Variants in SAMHD1 observed in about 807,000 individuals in gnomAD.
SAMHD1 encodes deoxynucleoside triphosphate triphosphohydrolase SAMHD1.
Under a neutral mutation model 79.6 loss-of-function variants are expected in SAMHD1, and 54 were observed. The observed-to-expected ratio is 0.68, with a 90% CI of 0.55 to 0.85. SAMHD1 has a LOEUF of 0.85. Ranked by LOEUF, SAMHD1 falls within the 40% of genes least tolerant of loss-of-function variation. The probability of loss-of-function intolerance (pLI) is 0.00; values close to 1 mark genes in which losing one functional copy is unlikely to be tolerated. For missense variants in SAMHD1, 663 were observed against 782.7 expected, an observed-to-expected ratio of 0.85 and a Z score of 1.82; for synonymous variants, 260 against 264.1, an observed-to-expected ratio of 0.98 and a Z score of 0.15.
intron 2 of SAMHD1, among the ~76,000 whole-genome samples, chr20:36,941,614 C>A (rs371107927): frequency 6.6e-6 from 1 of 151,944 alleles, no homozygotes; most frequent in African/African-American, 2.4e-5. Context: ...TTGAGCAGCT[C>A]GAAGTCCTGT....
At chr20:36,920,984 A>G (rs190809405) in intron 6 of SAMHD1, among the ~76,000 whole-genome samples, 56 of 151,254 alleles carry the variant, frequency 3.7e-4, no homozygotes, top group Non-Finnish European at 7.1e-4. Context: ...TACTTGGGAG[A>G]CCAAGGTGGG....
In SAMHD1 at chr20:36,927,162, T is replaced by TTGAC; in HGVS notation, c.696+16_696+19dup. 1.3e-6 allele frequency: 2 copies of TTGAC among 1,593,540 alleles called. No homozygotes were observed. Among genetic ancestry groups the TTGAC allele is most frequent in the Non-Finnish European group, 1.7e-6 (2 of 1,161,282 alleles). ...AAATAGTCTTTCTTTTTATTGACTA[T>TTGAC]TGACTGTATGAATACATACCGTCCA... On this transcript the variant is annotated intron_variant, in intron 6 of 15. Coordinates refer to ENST00000646673, the MANE Select transcript of SAMHD1 (RefSeq NM_015474.4).
chr20:36,939,194 C>A (rs2063624192), intron 3 of SAMHD1, among the ~76,000 whole-genome samples: 1 of 121,294 alleles, frequency 8.2e-6, no homozygotes, highest in African/African-American at 3.2e-5. Flanking sequence ...GCAGAGGTTG[C>A]AGTGAGCTGA....
chr20:36,906,972 A>G (rs969793494), intron 11 of SAMHD1, among the ~76,000 whole-genome samples: 1 of 151,450 alleles, frequency 6.6e-6, no homozygotes, highest in Admixed American at 6.6e-5. Context: ...TTGTATTTTC[A>G]GTAGAGATTG....
intron 7 of SAMHD1, among the ~76,000 whole-genome samples, chr20:36,918,801 CAAAAAAAAAAA>C (rs60403097): frequency 7.6e-5 from 5 of 65,462 alleles, no homozygotes; most frequent in African/African-American, 3.2e-4. Flanking sequence ...GACTCTATCT[CAAAAAAAAAAA>C]AAAAAAAAAA....
chr20:36,924,971 A>G (rs2063527787), intron 6 of SAMHD1, among the ~76,000 whole-genome samples: 1 of 151,932 alleles, frequency 6.6e-6, no homozygotes, highest in South Asian at 2.1e-4. Flanking sequence ...AGCCTAACCA[A>G]CATGGTGAAA....
At chr20:36,898,566 G>A in intron 13 of SAMHD1, 22 bp from the exon 14 acceptor site, 1 of 1,558,772 alleles carries the variant, frequency 6.4e-7, no homozygotes, top group Admixed American at 1.7e-5. Context: ...CAATTCACAA[G>A]TAATCATATA....
chr20:36,891,413 G>A lies in SAMHD1; in HGVS notation c.*1519C>T, dbSNP rs6029943. 1.3e-5 allele frequency: 2 copies of A among 152,340 alleles called. No homozygotes were observed. Among genetic ancestry groups the A allele is most frequent in the South Asian group, 2.1e-4 (1 of 4,834 alleles). The allele number at this position is 152,340 out of a possible 1,614,324, so 9.4% of individuals were successfully genotyped here. Reference sequence around the variant, plus strand: ...ACTCCCAGTGTGCCAGGGAGGCTTAGTCCGGGGAGCATCAGAGCAGAAGAC... The same window carrying A: ...ACTCCCAGTGTGCCAGGGAGGCTTAATCCGGGGAGCATCAGAGCAGAAGAC... On this transcript the variant is annotated 3_prime_UTR_variant, in exon 16 of 16. Transcript: ENST00000646673.
Position 36,951,637 on chromosome 20 carries a change from G to T in SAMHD1, c.7C>A (p.Arg3=), listed in dbSNP as rs2146161129. Residue 3 remains arginine (R), a synonymous_variant, in exon 1 of 16, where the codon CGA becomes AGA. Coordinates refer to ENST00000646673, the MANE Select transcript of SAMHD1 (RefSeq NM_015474.4). ...TTGGAGGGCTGCTCGGAATCGGCTC[G>T]CTGCATGGCTACACCTGGCGTCCGG... The part of the protein sequence containing the change: MQ[R]ADSEQPSKRP... The T allele has an allele frequency of 1.2e-6, 2 of 1,613,440 alleles. No homozygotes were observed. The highest frequency in any genetic ancestry group is 1.7e-6 in the Non-Finnish European group (2 of 1,179,972).
At chr20:36,934,869 G>A in intron 4 of SAMHD1, 160 bp downstream of exon 4, 1 of 663,412 alleles carries the variant, frequency 1.5e-6, no homozygotes, top group Non-Finnish European at 2.7e-6. Flanking sequence ...TGTTGGCCAG[G>A]CTGGTCTTGA....
intron 4 of SAMHD1, among the ~76,000 whole-genome samples, chr20:36,933,731 TC>T (rs2063582061): frequency 6.6e-6 from 1 of 152,004 alleles, no homozygotes; most frequent in African/African-American, 2.4e-5. Context: ...TCTCAAGTGA[TC>T]CGCCTGCCCC....
intron 2 of SAMHD1, among the ~76,000 whole-genome samples, chr20:36,945,844 C>G (rs748297264): frequency 2.0e-5 from 3 of 151,492 alleles, no homozygotes; most frequent in Admixed American, 6.6e-5. Flanking sequence ...CCAGGGGGTT[C>G]AGTGAGCCGG....
chr20:36,911,547 C>T, intron 10 of SAMHD1: 2 of 524,490 alleles, frequency 3.8e-6, no homozygotes, highest in Non-Finnish European at 6.9e-6. Flanking sequence ...GCTTTGCATT[C>T]ACCATCTTAT....
Position 36,898,443 on chromosome 20 carries a change from G to A in SAMHD1, c.1605C>T (p.Asn535=). Reference sequence around the variant, plus strand: ...TTTGTTTTGCCTAAGTAGTTACCTGGTTTTTAGTAATCCTGATTGCTCTGT... The same window carrying A: ...TTTGTTTTGCCTAAGTAGTTACCTGATTTTTAGTAATCCTGATTGCTCTGT... ...APNRAIRITK[N]QVSQLLPEKF... The change falls in exon 14 of 16, where the codon AAC becomes AAT. Residue 535 remains asparagine, a synonymous_variant. Coordinates refer to ENST00000646673, the MANE Select transcript of SAMHD1 (RefSeq NM_015474.4). The A allele has an allele frequency of 1.2e-6, 2 of 1,610,420 alleles. No homozygotes were observed. The highest frequency in any genetic ancestry group is 1.7e-6 in the Non-Finnish European group (2 of 1,176,702).
At chr20:36,950,004 T>C (rs908911417) in intron 1 of SAMHD1, among the ~76,000 whole-genome samples, 11 of 139,254 alleles carry the variant, frequency 7.9e-5, no homozygotes, top group Non-Finnish European at 1.4e-4. Flanking sequence ...TAAGCAAGAG[T>C]TGAGGGGCCC....
chr20:36,889,925 G>A (rs1010883247), downstream of SAMHD1: 1 of 152,196 alleles, frequency 6.6e-6, no homozygotes, highest in East Asian at 1.9e-4. Context: ...GTGTGTGTGT[G>A]TGTGTATACT....
At chr20:36,930,030 G>C (rs2063558544) in intron 5 of SAMHD1, among the ~76,000 whole-genome samples, 1 of 147,846 alleles carries the variant, frequency 6.8e-6, no homozygotes, top group Non-Finnish European at 1.5e-5. Flanking sequence ...TTCGAGACCT[G>C]CCTGGGCAAT....
intron 11 of SAMHD1, among the ~76,000 whole-genome samples, chr20:36,909,642 G>T (rs2063425000): frequency 7.2e-6 from 1 of 139,610 alleles, no homozygotes; most frequent in Admixed American, 7.6e-5. Flanking sequence ...TTGCATTACA[G>T]CCTGGGCTAC....
At chr20:36,918,801 C>CAAAA (rs60403097) in intron 7 of SAMHD1, among the ~76,000 whole-genome samples, 65 of 65,332 alleles carry the variant, frequency 9.9e-4, no homozygotes, top group South Asian at 1.3e-3. Context: ...GACTCTATCT[C>CAAAA]AAAAAAAAAA....
Sources: gnomAD v4.1 joint callset for allele counts (sites outside exome capture counted in the v4.1 genomes callset) on GRCh38, gnomAD v4.1.1 for gene constraint, MANE v1.5 for transcripts, NCBI Gene and HGNC (gene_info 2026-07-23, HGNC 2026-07-21) for gene names.